The following TBC1D5 variants were observed in gnomAD, a reference collection of about 807,000 sequenced individuals.
The protein encoded by TBC1D5 is TBC1 domain family, member 5.
A neutral mutation model predicts 100.3 loss-of-function variants in TBC1D5; 75 were observed. The observed-to-expected ratio is 0.75, with a 90% CI of 0.62 to 0.91. TBC1D5 has a LOEUF of 0.91. Among genes scored for constraint, TBC1D5 ranks in the 40% least tolerant of loss-of-function variants. The pLI is 0.00. For missense variants in TBC1D5, 910 were observed against 942.4 expected (o/e 0.97, Z 0.45); for synonymous variants, 323 against 325.6 (o/e 0.99, Z 0.09).
intron 5 of TBC1D5, 152 bp downstream of exon 5, chr3:17,406,266 G>A (rs2093766809): frequency 1.6e-6 from 1 of 624,708 alleles, no homozygotes; most frequent in Non-Finnish European, 2.7e-6. Flanking sequence ...ATTAGTAAAT[G>A]TCCTATGAAA....
intron 18 of TBC1D5, among the ~76,000 whole-genome samples, chr3:17,199,222 A>G (rs950911205): frequency 1.3e-5 from 2 of 152,254 alleles, no homozygotes; most frequent in Non-Finnish European, 2.9e-5. Context: ...GTCTGGTCAT[A>G]ACAGAGGACT....
At position 17,181,341 on chromosome 3, in the gene TBC1D5, G is replaced by A. The variant is rs531329244; in HGVS notation, c.1852+3768C>T. Among the ~76,000 whole-genome samples the A allele has an allele frequency of 5.9e-5, 9 of 152,314 alleles. 1 individual carries two copies. The South Asian group carries it at 1.7e-3, about 28-fold the overall frequency. On this transcript the variant is annotated intron_variant, in intron 19 of 21. Coordinates refer to ENST00000253692, the Ensembl canonical transcript of TBC1D5. ...TTACTCAGCTCTACGGCCATGGGCTGGAAGAGTCTCTCAGATTCTTCCCTG... is the reference window on the plus strand; with the variant it reads ...TTACTCAGCTCTACGGCCATGGGCTAGAAGAGTCTCTCAGATTCTTCCCTG...
chr3:17,607,157 T>C (rs2153607738), intron 2 of TBC1D5, among the ~76,000 whole-genome samples: 1 of 152,254 alleles, frequency 6.6e-6, no homozygotes, highest in Non-Finnish European at 1.5e-5. Flanking sequence ...AAAATAATTG[T>C]TAAACCTTCA....
chr3:17,406,685 T>C (rs2093779583), intron 4 of TBC1D5, 159 bp from the exon 5 acceptor site: 1 of 581,078 alleles, frequency 1.7e-6, no homozygotes, highest in South Asian at 2.4e-5. Context: ...GGCTGTCTTT[T>C]TGGACACAGT....
chr3:17,466,285 T>G (rs567372037), intron 3 of TBC1D5, among the ~76,000 whole-genome samples: 3 of 152,232 alleles, frequency 2.0e-5, no homozygotes, highest in Non-Finnish European at 4.4e-5. Flanking sequence ...GAATCAGCTC[T>G]ATTAGTAAAA....
intron 1 of TBC1D5, among the ~76,000 whole-genome samples, chr3:17,676,096 C>T (rs1473608163): frequency 6.6e-6 from 1 of 151,760 alleles, no homozygotes; most frequent in African/African-American, 2.4e-5. Flanking sequence ...CTCTGATTAC[C>T]CCAGGATGAC....
chr3:17,220,979 G>A (rs1410024677), intron 17 of TBC1D5, among the ~76,000 whole-genome samples: 1 of 152,060 alleles, frequency 6.6e-6, no homozygotes, highest in Non-Finnish European at 1.5e-5. Context: ...CAGTGTTAGT[G>A]ATTTTTTAAA....
chr3:17,685,067 T>C (rs546335240), intron 1 of TBC1D5, among the ~76,000 whole-genome samples: 4 of 152,198 alleles, frequency 2.6e-5, no homozygotes, highest in African/African-American at 9.6e-5. Flanking sequence ...TGTTTATAAA[T>C]GATAGGCTAT....
At chr3:17,178,541 T>A (rs2068074642) in intron 19 of TBC1D5, among the ~76,000 whole-genome samples, 1 of 152,216 alleles carries the variant, frequency 6.6e-6, no homozygotes, top group African/African-American at 2.4e-5. Flanking sequence ...GGAATGGAAT[T>A]GCAGGATCAT....
chr3:17,384,551 C>A (rs912300553), intron 8 of TBC1D5, among the ~76,000 whole-genome samples: 8 of 151,648 alleles, frequency 5.3e-5, no homozygotes, highest in Non-Finnish European at 8.8e-5. Flanking sequence ...AGAGAAAACC[C>A]ACAGCAACAC....
At chr3:17,548,422 C>T (rs1214445749) in intron 2 of TBC1D5, among the ~76,000 whole-genome samples, 2 of 152,088 alleles carry the variant, frequency 1.3e-5, no homozygotes, top group African/African-American at 2.4e-5. Context: ...AGCAACTATC[C>T]CACAGTGTTT....
rs1024570187 is a variant in TBC1D5 at position 17,227,061 on chromosome 3, CAT to C, written c.1588+11100_1588+11101del. Among the ~76,000 whole-genome samples, 61 of 152,182 alleles carry C rather than the reference CAT, an allele frequency of 4.0e-4. No individual in the cohort carries two copies. In the South Asian group the frequency reaches 5.2e-3, roughly 13 times the overall value. On this transcript the variant is annotated intron_variant, in intron 17 of 21. Coordinates refer to ENST00000253692, the Ensembl canonical transcript of TBC1D5. ...GCTCTTAAGAAACTCCCAAAATAGCCATACAGGGAATACAGACTTGTATACAC... is the reference window on the plus strand; with the variant it reads ...GCTCTTAAGAAACTCCCAAAATAGCCACAGGGAATACAGACTTGTATACAC...
intron 18 of TBC1D5, 152 bp from the exon 20 acceptor site, chr3:17,185,360 T>C (rs2068914187): frequency 7.5e-6 from 4 of 535,308 alleles, no homozygotes; most frequent in Non-Finnish European, 1.3e-5. Flanking sequence ...AAATCACAAC[T>C]GCCACCACCA....
chr3:17,278,031 C>T (rs2080203447), intron 15 of TBC1D5, among the ~76,000 whole-genome samples: 2 of 152,048 alleles, frequency 1.3e-5, no homozygotes, highest in African/African-American at 4.8e-5. Flanking sequence ...TACAATGAGC[C>T]CATGTTACCA....
intron 3 of TBC1D5, among the ~76,000 whole-genome samples, chr3:17,465,912 T>C (rs1196464507): frequency 2.6e-5 from 4 of 152,232 alleles, no homozygotes; most frequent in African/African-American, 4.8e-5. Context: ...GGGCAATTCC[T>C]GGAGGAACAT....
intron 21 of TBC1D5, among the ~76,000 whole-genome samples, chr3:17,161,558 C>T (rs2066056394): frequency 6.6e-6 from 1 of 152,248 alleles, no homozygotes; most frequent in African/African-American, 2.4e-5. Flanking sequence ...CAGGGAGAGC[C>T]CAGGCTCAGG....
At chr3:17,326,532 G>A (rs1486594584) in intron 13 of TBC1D5, among the ~76,000 whole-genome samples, 1 of 152,178 alleles carries the variant, frequency 6.6e-6, no homozygotes, top group Non-Finnish European at 1.5e-5. Context: ...GAGTATAGCT[G>A]TACAATCATG....
intron 13 of TBC1D5, among the ~76,000 whole-genome samples, chr3:17,352,171 A>G (rs148898113): frequency 1.3e-5 from 2 of 152,290 alleles, no homozygotes; most frequent in Admixed American, 6.5e-5. Flanking sequence ...TGCACTTTGT[A>G]TAAATATGTA....
intron 19 of TBC1D5, 29 bp from the exon 21 acceptor site, chr3:17,167,857 C>A (rs779732107): frequency 1.3e-6 from 2 of 1,516,800 alleles, no homozygotes; most frequent in Admixed American, 3.5e-5. Context: ...CATTTTATAA[C>A]CAATGCTCTG....
Sources: allele counts gnomAD v4.1 joint callset (sites outside exome capture counted in the v4.1 genomes callset), GRCh38; gene constraint gnomAD v4.1.1; transcripts MANE v1.5; gene names NCBI Gene and HGNC (gene_info 2026-07-23, HGNC 2026-07-21).